Variants in ASIC5 observed in about 807,000 individuals in gnomAD.
The protein encoded by ASIC5 is bile acid-sensitive ion channel.
A neutral mutation model predicts 51.2 loss-of-function variants in ASIC5; 52 were observed. The ratio of observed to expected loss-of-function variants is 1.02; its 90% CI spans 0.81 to 1.28. The LOEUF is 1.28. ASIC5 is among the 50% of genes most tolerant of loss of function. ASIC5 has a pLI of 0.00. For missense variants in ASIC5, 635 were observed against 595.0 expected (o/e 1.07, Z -0.70); for synonymous variants, 231 against 200.7 (o/e 1.15, Z -1.28).
At chr4:155,836,501 C>T (rs1740983357) in intron 8 of ASIC5, among the ~76,000 whole-genome samples, 188 bp downstream of exon 8, 1 of 152,110 alleles carries the variant, frequency 6.6e-6, no homozygotes, top group African/African-American at 2.4e-5. Flanking sequence ...CACACAATTA[C>T]AGTAAGGAGT....
intron 8 of ASIC5, among the ~76,000 whole-genome samples, chr4:155,834,773 C>G (rs962334991): frequency 2.0e-5 from 3 of 152,068 alleles, no homozygotes; most frequent in Non-Finnish European, 4.4e-5. Flanking sequence ...ATCCTGCCTC[C>G]ATATGAAACC....
At chr4:155,865,749 G>A (rs1358605385) in intron 1 of ASIC5, among the ~76,000 whole-genome samples, 3 of 152,070 alleles carry the variant, frequency 2.0e-5, no homozygotes. Flanking sequence ...TGAATAAATG[G>A]CCCACTAGTT....
chr4:155,865,006 A>G (rs1184008038), intron 1 of ASIC5: 1 of 152,132 alleles, frequency 6.6e-6, no homozygotes, highest in Non-Finnish European at 1.5e-5. Flanking sequence ...AGCTTCATTT[A>G]CTATTAAATC....
At chr4:155,836,202 C>T (rs916359939) in intron 8 of ASIC5, among the ~76,000 whole-genome samples, 25 of 152,156 alleles carry the variant, frequency 1.6e-4, no homozygotes, top group African/African-American at 5.3e-4. Context: ...TGGGGACCAG[C>T]GTCAAAGTTC....
Position 155,840,377 on chromosome 4 carries a change from T to G in ASIC5, c.1010-1508A>C, listed in dbSNP as rs146048359. Reference sequence around the variant, plus strand: ...GATTATGGAAACCTCTGGAAAATAATGAAACCACTTTTGCAAAATTTATAT... The same window carrying G: ...GATTATGGAAACCTCTGGAAAATAAGGAAACCACTTTTGCAAAATTTATAT... On this transcript the variant is annotated intron_variant, in intron 6 of 9. Coordinates refer to ENST00000537611, the MANE Select transcript of ASIC5 (RefSeq NM_017419.3). Among the ~76,000 whole-genome samples the G allele has an allele frequency of 6.3e-3, 942 of 149,954 alleles. 7 individuals are homozygous for G. The highest frequency in any genetic ancestry group is 0.022 in the African/African-American group (903 of 41,242).
chr4:155,838,807 A>C lies in ASIC5; in HGVS notation c.1066+6T>G. On this transcript the variant is annotated splice_donor_region_variant and intron_variant, in intron 7 of 9. Transcript: ENST00000537611. ...TCCTGAAAATAAAAGTAAATTAAGC[A>C]CTTACCAAGTACAGGAGAAACACAG... is the stretch of plus-strand genomic sequence containing the variant. The C allele has an allele frequency of 6.4e-7, 1 of 1,555,216 alleles. No homozygotes were observed. Among genetic ancestry groups the C allele is most frequent in the South Asian group, 1.1e-5 (1 of 88,262 alleles).
intron 8 of ASIC5, among the ~76,000 whole-genome samples, chr4:155,833,651 C>T (rs113962652): frequency 6.6e-6 from 1 of 152,172 alleles, no homozygotes; most frequent in Non-Finnish European, 1.5e-5. Context: ...CCCCATTGTG[C>T]TCCTAATTTG....
chr4:155,853,971 T>C (rs1020512831), intron 3 of ASIC5, 106 bp downstream of exon 3: 2 of 827,622 alleles, frequency 2.4e-6, no homozygotes, highest in African/African-American at 3.4e-5. Context: ...GTAAGCAAAT[T>C]TGGATTGATT....
At chr4:155,848,342 T>G (rs943840713) in intron 4 of ASIC5, among the ~76,000 whole-genome samples, 8 of 152,076 alleles carry the variant, frequency 5.3e-5, no homozygotes, top group Admixed American at 3.3e-4. Flanking sequence ...TTAGTTTCCC[T>G]AAAGTCCAAA....
At chr4:155,865,615 T>C (rs982518983) in intron 1 of ASIC5, among the ~76,000 whole-genome samples, 1 of 152,120 alleles carries the variant, frequency 6.6e-6, no homozygotes, top group African/African-American at 2.4e-5. Flanking sequence ...TTAATATACA[T>C]CTAATCCTTG....
chr4:155,845,415 T>C (rs545950607), intron 4 of ASIC5, among the ~76,000 whole-genome samples: 1 of 151,740 alleles, frequency 6.6e-6, no homozygotes, highest in South Asian at 2.1e-4. Context: ...AGTTTTTTTT[T>C]TCCTTCAGTT....
chr4:155,845,896 C>G (rs975620520), intron 4 of ASIC5, among the ~76,000 whole-genome samples: 9 of 151,842 alleles, frequency 5.9e-5, no homozygotes, highest in Non-Finnish European at 1.3e-4. Flanking sequence ...GGTTGTAAAA[C>G]AGGTTATCAA....
chr4:155,858,464 T>A (rs1201171392), intron 2 of ASIC5, among the ~76,000 whole-genome samples: 4 of 152,052 alleles, frequency 2.6e-5, no homozygotes, highest in Non-Finnish European at 5.9e-5. Context: ...ATAAAGAGGC[T>A]AAAAAATGGA....
intron 5 of ASIC5, among the ~76,000 whole-genome samples, chr4:155,843,254 G>A (rs989181724): frequency 1.3e-4 from 20 of 152,066 alleles, no homozygotes; most frequent in African/African-American, 4.8e-5. Context: ...TTTGTGCAGA[G>A]AGGAGATGCA....
At chr4:155,833,801 C>A (rs1228411880) in intron 8 of ASIC5, among the ~76,000 whole-genome samples, 1 of 152,180 alleles carries the variant, frequency 6.6e-6, no homozygotes, top group African/African-American at 2.4e-5. Context: ...TTCTCTCAGG[C>A]AGTTGTTTTG....
At chr4:155,849,535 A>C (rs1398764576) in intron 4 of ASIC5, among the ~76,000 whole-genome samples, 3 of 152,082 alleles carry the variant, frequency 2.0e-5, no homozygotes, top group African/African-American at 4.8e-5. Flanking sequence ...TTATGTCCTA[A>C]TTAATCCTTT....
At chr4:155,855,598 C>T (rs918909800) in intron 2 of ASIC5, among the ~76,000 whole-genome samples, 2 of 151,642 alleles carry the variant, frequency 1.3e-5, no homozygotes, top group Admixed American at 1.3e-4. Flanking sequence ...ATATTCCACT[C>T]TTGGTAAGTA....
At chr4:155,849,337 A>G (rs1741326423) in intron 4 of ASIC5, among the ~76,000 whole-genome samples, 1 of 152,028 alleles carries the variant, frequency 6.6e-6, no homozygotes, top group African/African-American at 2.4e-5. Flanking sequence ...GCACAAATCT[A>G]CGGCTGGGCT....
chr4:155,863,808 T>C (rs2110779106), intron 1 of ASIC5, 54 bp from the exon 2 acceptor site: 1 of 1,410,794 alleles, frequency 7.1e-7, no homozygotes, highest in South Asian at 1.3e-5. Flanking sequence ...TAGGAAACCT[T>C]AATGCTATCC....
Sources: gnomAD v4.1 joint callset for allele counts (sites outside exome capture counted in the v4.1 genomes callset) on GRCh38, gnomAD v4.1.1 for gene constraint, MANE v1.5 for transcripts, NCBI Gene and HGNC (gene_info 2026-07-23, HGNC 2026-07-21) for gene names.